SPINK13: variants seen among roughly 807,000 people sequenced by gnomAD.
The protein encoded by SPINK13 is serine protease inhibitor Kazal-type 13.
SPINK13 carries 11 observed loss-of-function variants against 11.0 expected under a neutral mutation model. The ratio of observed to expected loss-of-function variants is 1.00; its 90% confidence interval spans 0.63 to 1.65. SPINK13 has a LOEUF of 1.65. SPINK13 is among the 40% of genes most tolerant of loss of function. The pLI is 0.00. For synonymous variants in SPINK13, 31 were observed against 35.6 expected (o/e 0.87, Z 0.46); for missense variants, 113 against 117.7 (o/e 0.96, Z 0.19).
intron 3 of SPINK13, among the ~76,000 whole-genome samples, chr5:148,276,907 A>G (rs976823967): frequency 6.6e-6 from 1 of 152,212 alleles, no homozygotes; most frequent in African/African-American, 2.4e-5. Flanking sequence ...CCTATCCATG[A>G]GTATGGGATG....
chr5:148,280,216 T>A (rs7713202), intron 3 of SPINK13, among the ~76,000 whole-genome samples: 15,708 of 152,116 alleles, frequency 0.1, 2,147 homozygotes, highest in African/African-American at 0.3. Context: ...GCTTTCTTGC[T>A]TTGGGTTAGA....
At chr5:148,279,465 G>T (rs1327565198) in intron 3 of SPINK13, among the ~76,000 whole-genome samples, 2 of 152,048 alleles carry the variant, frequency 1.3e-5, no homozygotes, top group Non-Finnish European at 2.9e-5. Context: ...CTCTTGTAAG[G>T]CAGGCCTGGT....
chr5:148,275,048 A>G (rs935734311), intron 3 of SPINK13, among the ~76,000 whole-genome samples: 2 of 152,198 alleles, frequency 1.3e-5, no homozygotes, highest in Non-Finnish European at 2.9e-5. Context: ...GGCTTGCTAC[A>G]TAGGTATACA....
chr5:148,278,768 G>A (rs1266068681), intron 3 of SPINK13, among the ~76,000 whole-genome samples: 1 of 152,234 alleles, frequency 6.6e-6, no homozygotes, highest in African/African-American at 2.4e-5. Flanking sequence ...GGAAAGTTCT[G>A]TAGATGTCTA....
chr5:148,273,205 G>A (rs1193137935), intron 2 of SPINK13, among the ~76,000 whole-genome samples: 3 of 151,422 alleles, frequency 2.0e-5, no homozygotes, highest in Non-Finnish European at 2.9e-5. Context: ...CAATTTTAAT[G>A]AGTTCTTTAT....
At chr5:148,281,926 G>A (rs1287111837) in intron 3 of SPINK13, among the ~76,000 whole-genome samples, 178 bp from the exon 4 acceptor site, 3 of 152,204 alleles carry the variant, frequency 2.0e-5, no homozygotes, top group Non-Finnish European at 2.9e-5. Context: ...GATGGGTGGG[G>A]ACACTACAAT....
At chr5:148,280,461 C>T (rs891825706) in intron 3 of SPINK13, among the ~76,000 whole-genome samples, 1 of 152,042 alleles carries the variant, frequency 6.6e-6, no homozygotes, top group African/African-American at 2.4e-5. Flanking sequence ...ACCTTCAGAT[C>T]GAGTTTTTGC....
At chr5:148,285,859 A>G (rs1581170146) in intron 4 of SPINK13, 141 bp from the exon 5 acceptor site, 1 of 247,564 alleles carries the variant, frequency 4.0e-6, no homozygotes, top group Non-Finnish European at 7.2e-6. Flanking sequence ...AACAAAAATG[A>G]AAAAAAAAAA....
At chr5:148,285,766 A>G (rs1247836090) in intron 4 of SPINK13, among the ~76,000 whole-genome samples, 1 of 152,086 alleles carries the variant, frequency 6.6e-6, no homozygotes, top group East Asian at 1.9e-4. Context: ...TAGGGGATGA[A>G]AAACTCTACA....
chr5:148,283,133 A>C (rs1210793207), intron 4 of SPINK13, among the ~76,000 whole-genome samples: 1 of 152,152 alleles, frequency 6.6e-6, no homozygotes, highest in Non-Finnish European at 1.5e-5. Context: ...TCTCCCTGCT[A>C]CCATGACAAC....
At chr5:148,275,762 A>C (rs201591477) in intron 3 of SPINK13, among the ~76,000 whole-genome samples, 1 of 150,658 alleles carries the variant, frequency 6.6e-6, no homozygotes, top group African/African-American at 2.4e-5. Flanking sequence ...CTGGGTTCAC[A>C]CCATTCTCCT....
intron 3 of SPINK13, 137 bp downstream of exon 3, chr5:148,274,521 G>A: frequency 1.5e-6 from 1 of 650,854 alleles, no homozygotes; most frequent in Non-Finnish European, 2.6e-6. Context: ...GCTGAGGCAG[G>A]AGGATCACCT....
intron 3 of SPINK13, among the ~76,000 whole-genome samples, chr5:148,281,464 A>G (rs1341244766): frequency 6.6e-6 from 1 of 152,150 alleles, no homozygotes; most frequent in East Asian, 1.9e-4. Context: ...AGACTGTGGG[A>G]AAAGCATAGT....
intron 1 of SPINK13, 108 bp downstream of exon 1, chr5:148,268,996 T>C (rs1756306988): frequency 6.6e-6 from 1 of 152,404 alleles, no homozygotes; most frequent in Admixed American, 6.5e-5. Flanking sequence ...CACCCTCCTT[T>C]TGTTTCCTCT....
At chr5:148,272,584 C>A (rs1756367234) in intron 2 of SPINK13, among the ~76,000 whole-genome samples, 2 of 152,104 alleles carry the variant, frequency 1.3e-5, no homozygotes, top group Admixed American at 1.3e-4. Flanking sequence ...GGACTCTATC[C>A]TTTTCACTGA....
chr5:148,280,118 G>C (rs1218308955), intron 3 of SPINK13, among the ~76,000 whole-genome samples: 1 of 152,086 alleles, frequency 6.6e-6, no homozygotes, highest in Non-Finnish European at 1.5e-5. Context: ...CTCATGCTGT[G>C]TTTTTCATCT....
chr5:148,279,780 G>A (rs115357858), intron 3 of SPINK13, among the ~76,000 whole-genome samples: 1 of 152,170 alleles, frequency 6.6e-6, no homozygotes, highest in African/African-American at 2.4e-5. Context: ...TCCTTCAGGA[G>A]TATCTTTGTG....
chr5:148,269,423 G>A (rs564030956), intron 1 of SPINK13, among the ~76,000 whole-genome samples: 16 of 151,960 alleles, frequency 1.1e-4, no homozygotes, highest in Admixed American at 3.3e-4. Context: ...CTTGCATCAG[G>A]GAAGGTATAC....
chr5:148,275,259 T>A (rs1215205923), intron 3 of SPINK13, among the ~76,000 whole-genome samples: 1 of 152,218 alleles, frequency 6.6e-6, no homozygotes, highest in Non-Finnish European at 1.5e-5. Context: ...CCTGTGTTAA[T>A]TTGCTGAGAA....
Sources: allele counts gnomAD v4.1 joint callset (sites outside exome capture counted in the v4.1 genomes callset), GRCh38; gene constraint gnomAD v4.1.1; transcripts MANE v1.5; gene names NCBI Gene and HGNC (gene_info 2026-07-23, HGNC 2026-07-21).